KCNJ3: variants seen among roughly 807,000 people sequenced by gnomAD.
KCNJ3 encodes potassium inwardly rectifying channel subfamily J member 3, also known as G protein-activated inward rectifier potassium channel 1.
KCNJ3 carries 4 observed loss-of-function variants against 39.2 expected under a neutral mutation model. The observed-to-expected ratio is 0.10, with a 90% CI of 0.05 to 0.23. KCNJ3 has a LOEUF of 0.23. Among genes scored for constraint, KCNJ3 ranks in the 10% least tolerant of loss-of-function variants. KCNJ3 has a pLI of 1.00. For synonymous variants in KCNJ3, 230 were observed against 237.4 expected (o/e 0.97, Z 0.29); for missense variants, 276 against 634.9 (o/e 0.43, Z 6.08).
chr2:154,792,717 C>T (rs1686656948), intron 2 of KCNJ3, among the ~76,000 whole-genome samples: 1 of 152,092 alleles, frequency 6.6e-6, no homozygotes. Context: ...TATGGCCTCA[C>T]AGAATGGTTG....
chr2:154,762,812 A>C (rs17565461), intron 2 of KCNJ3, among the ~76,000 whole-genome samples: 49,677 of 151,970 alleles, frequency 0.33, 9,426 homozygotes, highest in Non-Finnish European at 0.43. Flanking sequence ...TATTACATTG[A>C]ACTGGCTATT....
chr2:154,782,472 A>G (rs1686454248), intron 2 of KCNJ3, among the ~76,000 whole-genome samples: 1 of 152,152 alleles, frequency 6.6e-6, no homozygotes, highest in Non-Finnish European at 1.5e-5. Context: ...TAAAGTTGTC[A>G]TGATACATAG....
chr2:154,774,343 A>G (rs577819540), intron 2 of KCNJ3, among the ~76,000 whole-genome samples: 1 of 152,116 alleles, frequency 6.6e-6, no homozygotes, highest in African/African-American at 2.4e-5. Flanking sequence ...CAGCACTTGG[A>G]TAAAGAAAGT....
intron 2 of KCNJ3, among the ~76,000 whole-genome samples, chr2:154,790,400 T>C (rs1278222099): frequency 6.6e-6 from 1 of 152,080 alleles, no homozygotes; most frequent in Non-Finnish European, 1.5e-5. Flanking sequence ...TTGCATAAAC[T>C]TCAATCATCT....
At chr2:154,816,934 T>A (rs1687092343) in intron 2 of KCNJ3, among the ~76,000 whole-genome samples, 1 of 152,216 alleles carries the variant, frequency 6.6e-6, no homozygotes, top group Non-Finnish European at 1.5e-5. Context: ...GTTTCATATC[T>A]GAAAGATAAA....
chr2:154,721,432 C>G (rs1685261804), intron 2 of KCNJ3, among the ~76,000 whole-genome samples: 1 of 152,114 alleles, frequency 6.6e-6, no homozygotes, highest in African/African-American at 2.4e-5. Context: ...ACAGAGAGCT[C>G]TCCTGGGTTC....
At chr2:154,735,265 T>C (rs1685510016) in intron 2 of KCNJ3, among the ~76,000 whole-genome samples, 3 of 125,458 alleles carry the variant, frequency 2.4e-5, no homozygotes, top group Non-Finnish European at 5.3e-5. Flanking sequence ...TTTTTTTTTT[T>C]CTTTCTTTCT....
At chr2:154,808,703 T>C (rs542209114) in intron 2 of KCNJ3, among the ~76,000 whole-genome samples, 2 of 152,224 alleles carry the variant, frequency 1.3e-5, no homozygotes, top group South Asian at 2.1e-4. Context: ...TAGACTGATA[T>C]AACTCTTCAA....
At chr2:154,788,678 A>T (rs1686576541) in intron 2 of KCNJ3, among the ~76,000 whole-genome samples, 1 of 152,056 alleles carries the variant, frequency 6.6e-6, no homozygotes. Flanking sequence ...CCTCTTTTTA[A>T]AATACTGATC....
intron 2 of KCNJ3, among the ~76,000 whole-genome samples, chr2:154,838,814 G>C (rs891460402): frequency 1.3e-5 from 2 of 152,120 alleles, no homozygotes; most frequent in African/African-American, 2.4e-5. Flanking sequence ...AGAAAAAGAT[G>C]AAACATATGT....
intron 2 of KCNJ3, among the ~76,000 whole-genome samples, chr2:154,836,241 C>CA (rs138197731): frequency 2.4e-4 from 20 of 82,534 alleles, no homozygotes; most frequent in African/African-American, 4.4e-4. Context: ...AAAAAAAAAA[C>CA]AAAAAAAAAC....
In KCNJ3 at chr2:154,855,293, A is replaced by C. The variant is rs766625367; in HGVS notation, c.1486A>C (p.Asn496His). The C allele has an allele frequency of 4.7e-5, 75 of 1,605,334 alleles. No homozygotes were observed. The East Asian group carries it at 1.6e-3, about 34-fold the overall frequency. ...CCTTCCAGCCAAATTAAGAAAAATG[A>C]ACTCTGATCGCTTCACATAACAAAG... ...GNLPAKLRKM[N>H]SDRFT The change falls in exon 3 of 3, where the codon AAC (asparagine) becomes CAC (histidine). Residue 496 changes from asparagine to histidine, a missense_variant. By Grantham distance (68) the Asn-to-His change is moderately conservative (BLOSUM62 1). This residue lies in a region of KCNJ3 where 126 missense variants were observed against 179.8 expected (regional missense o/e 0.70). Coordinates refer to ENST00000295101, the MANE Select transcript of KCNJ3 (RefSeq NM_002239.4).
At chr2:154,842,574 T>C (rs1238129768) in intron 2 of KCNJ3, among the ~76,000 whole-genome samples, 1 of 152,198 alleles carries the variant, frequency 6.6e-6, no homozygotes, top group Non-Finnish European at 1.5e-5. Flanking sequence ...TGTGGGAATC[T>C]AAGTCTCTTT....
At chr2:154,800,204 G>A (rs1161182429) in intron 2 of KCNJ3, among the ~76,000 whole-genome samples, 1 of 152,132 alleles carries the variant, frequency 6.6e-6, no homozygotes, top group Non-Finnish European at 1.5e-5. Flanking sequence ...TGACCTCTTT[G>A]CCTCCAGCTC....
chr2:154,709,929 G>T, intron 2 of KCNJ3, 110 bp downstream of exon 2: 2 of 1,244,512 alleles, frequency 1.6e-6, no homozygotes, highest in Non-Finnish European at 2.2e-6. Context: ...TTACAATAAT[G>T]AAAGTAATGA....
intron 2 of KCNJ3, among the ~76,000 whole-genome samples, chr2:154,767,404 C>A (rs547543517): frequency 2.0e-5 from 3 of 152,048 alleles, no homozygotes; most frequent in South Asian, 4.2e-4. Context: ...TCTCATTGTT[C>A]AATTCCCAAC....
At chr2:154,804,923 ATG>A (rs1253719946) in intron 2 of KCNJ3, among the ~76,000 whole-genome samples, 2 of 152,168 alleles carry the variant, frequency 1.3e-5, no homozygotes, top group Non-Finnish European at 2.9e-5. Context: ...TTATATTAAA[ATG>A]TGTTTCAATA....
chr2:154,779,217 G>T (rs958183073), intron 2 of KCNJ3, among the ~76,000 whole-genome samples: 3 of 151,830 alleles, frequency 2.0e-5, no homozygotes, highest in African/African-American at 7.3e-5. Flanking sequence ...AAGTTTAACG[G>T]TGTTGGTTTT....
intron 2 of KCNJ3, among the ~76,000 whole-genome samples, chr2:154,846,741 C>T (rs1687669339): frequency 6.6e-6 from 1 of 152,108 alleles, no homozygotes; most frequent in Middle Eastern, 3.4e-3. Flanking sequence ...CCTTTTTGAA[C>T]ATCTAACATT....
Sources: allele counts gnomAD v4.1 joint callset (sites outside exome capture counted in the v4.1 genomes callset), GRCh38; gene constraint gnomAD v4.1.1; regional missense constraint gnomAD v4.1.1; transcripts MANE v1.5; gene names NCBI Gene and HGNC (gene_info 2026-07-23, HGNC 2026-07-21).